Variants in MECOM observed in about 807,000 individuals in gnomAD.
MECOM encodes the protein histone-lysine N-methyltransferase MECOM.
A neutral mutation model predicts 116.3 loss-of-function variants in MECOM; 13 were observed. That is an observed-to-expected ratio of 0.11 (90% CI 0.07 to 0.18). The LOEUF (loss-of-function observed/expected upper bound fraction) is 0.18, where lower values mean the gene tolerates loss of function less well. Ranked by LOEUF, MECOM falls within the 10% of genes least tolerant of loss-of-function variation. The probability of loss-of-function intolerance (pLI) is 1.00; values close to 1 mark genes in which losing one functional copy is unlikely to be tolerated. For missense variants in MECOM, 1,299 were observed against 1,509.0 expected (o/e 0.86, Z 2.31); for synonymous variants, 528 against 535.2 (o/e 0.99, Z 0.19).
intron 1 of MECOM, among the ~76,000 whole-genome samples, chr3:169,454,596 A>G (rs1336413481): frequency 6.6e-6 from 1 of 152,094 alleles, no homozygotes; most frequent in African/African-American, 2.4e-5. Context: ...AATTATTTTT[A>G]TCTTACACTA....
intron 1 of MECOM, among the ~76,000 whole-genome samples, chr3:169,488,125 C>T (rs1467624238): frequency 7.9e-5 from 12 of 151,900 alleles, no homozygotes; most frequent in Non-Finnish European, 5.9e-5. Context: ...AATTTCAACA[C>T]GCCTCTCTCT....
At chr3:169,413,943 G>A (rs78506824) in intron 1 of MECOM, among the ~76,000 whole-genome samples, 3,562 of 152,304 alleles carry the variant, frequency 0.023, 132 homozygotes, top group African/African-American at 0.081. Context: ...TGGGGGAAGG[G>A]GCGACTGTAA....
chr3:169,594,724 C>T (rs1386288161), intron 1 of MECOM, among the ~76,000 whole-genome samples: 1 of 151,560 alleles, frequency 6.6e-6, no homozygotes, highest in Non-Finnish European at 1.5e-5. Context: ...AGCTGGCTTT[C>T]ATAACAAAGC....
In MECOM at chr3:169,609,884, G is replaced by A. The variant is rs372101038; in HGVS notation, c.37+53452C>T. On this transcript the variant is annotated intron_variant, in intron 1 of 16. Coordinates refer to ENST00000651503, the MANE Select transcript of MECOM (RefSeq NM_004991.4). ...GTGGTATTTCTACTTTATCTTGATA[G>A]CATTAGTTACAGGGAGAATGGACAA... Among the ~76,000 whole-genome samples the A allele has an allele frequency of 5.9e-5, 9 of 152,284 alleles. No individual in the cohort carries two copies. The East Asian group carries it at 9.6e-4, about 16-fold the overall frequency.
Position 169,230,472 on chromosome 3 carries a change from A to C in MECOM, c.376-86640T>G, listed in dbSNP as rs148876519. Among the ~76,000 whole-genome samples the C allele has an allele frequency of 3.2e-4, 48 of 152,308 alleles. No homozygotes were observed. The East Asian group carries it at 8.7e-3, about 27-fold the overall frequency. On this transcript the variant is annotated intron_variant, in intron 2 of 16. Coordinates refer to ENST00000651503, the MANE Select transcript of MECOM (RefSeq NM_004991.4). ...CTAATGGAAGTTTGAATGTATCTCC[A>C]AGATACCAGTTCATTATGACTTAAT...
intron 5 of MECOM, among the ~76,000 whole-genome samples, chr3:169,123,631 G>T (rs1409729768): frequency 6.6e-6 from 1 of 151,836 alleles, no homozygotes; most frequent in African/African-American, 2.4e-5. Context: ...TAACACACTG[G>T]GATACTACCC....
chr3:169,505,286 C>T (rs184416898), intron 1 of MECOM, among the ~76,000 whole-genome samples: 39 of 149,204 alleles, frequency 2.6e-4, no homozygotes, highest in Admixed American at 1.7e-3. Context: ...AGTCAAAATC[C>T]TTTCTTAATC....
chr3:169,146,278 T>C (rs1739887470), intron 2 of MECOM: 2 of 1,251,056 alleles, frequency 1.6e-6, no homozygotes, highest in East Asian at 3.7e-5. Context: ...CACACGATGT[T>C]GGACAGCAAA....
At chr3:169,467,003 G>A (rs777122506) in intron 1 of MECOM, 2 of 152,130 alleles carry the variant, frequency 1.3e-5, no homozygotes, top group African/African-American at 2.4e-5. Flanking sequence ...GATAGTAATC[G>A]TTAATTGAGT....
intron 2 of MECOM, among the ~76,000 whole-genome samples, chr3:169,346,958 C>T (rs2149799352): frequency 6.6e-6 from 1 of 152,026 alleles, no homozygotes; most frequent in East Asian, 1.9e-4. Context: ...TAAAAGCAAC[C>T]CAAATGTTTA....
intron 1 of MECOM, among the ~76,000 whole-genome samples, chr3:169,444,721 T>C (rs772204834): frequency 3.3e-5 from 5 of 151,974 alleles, no homozygotes; most frequent in African/African-American, 7.3e-5. Context: ...CAGGCAGAGA[T>C]TGGAACAGTT....
At chr3:169,497,551 T>C (rs966372634) in intron 1 of MECOM, among the ~76,000 whole-genome samples, 5 of 151,716 alleles carry the variant, frequency 3.3e-5, no homozygotes, top group African/African-American at 9.7e-5. Flanking sequence ...AGAGATGGAG[T>C]TTTACCATGT....
chr3:169,658,160 T>G (rs1040920270), intron 1 of MECOM, among the ~76,000 whole-genome samples: 2 of 152,176 alleles, frequency 1.3e-5, no homozygotes, highest in Admixed American at 6.5e-5. Context: ...AGGGAACTAA[T>G]GATTTATCCT....
intron 1 of MECOM, among the ~76,000 whole-genome samples, chr3:169,480,509 T>A (rs1751124598): frequency 6.6e-6 from 1 of 152,150 alleles, no homozygotes; most frequent in Admixed American, 6.5e-5. Flanking sequence ...TTTTTTCTCA[T>A]CTCTTTAGTC....
chr3:169,280,897 C>T (rs1022845788), intron 2 of MECOM, among the ~76,000 whole-genome samples: 4 of 152,116 alleles, frequency 2.6e-5, no homozygotes, highest in African/African-American at 4.8e-5. Flanking sequence ...GAAGTGAAAT[C>T]GAGAAGAGAA....
chr3:169,199,501 A>G (rs1003602236), intron 2 of MECOM, among the ~76,000 whole-genome samples: 1 of 151,834 alleles, frequency 6.6e-6, no homozygotes, highest in African/African-American at 2.4e-5. Flanking sequence ...ACAGTCTCAA[A>G]CTCCTGGCCT....
chr3:169,356,819 T>C (rs1207813178), intron 2 of MECOM, among the ~76,000 whole-genome samples: 1 of 151,914 alleles, frequency 6.6e-6, no homozygotes, highest in Non-Finnish European at 1.5e-5. Flanking sequence ...CTCTGCTTCT[T>C]TTGAGAATGG....
rs116472958 is a variant in MECOM, at chr3:169,622,420, G to A, written c.37+40916C>T. Among the ~76,000 whole-genome samples the A allele has an allele frequency of 6.9e-3, 1,057 of 152,176 alleles. 16 individuals carry two copies. Among genetic ancestry groups the A allele is most frequent in the African/African-American group, 0.025 (1,022 of 41,528 alleles). On this transcript the variant is annotated intron_variant, in intron 1 of 16. Transcript: ENST00000651503. Reference sequence around the variant, plus strand: ...CAACAGAATCAGTTCATTTTTAAACGAAAGGAGTTAGACTAACATCACTTC... The same window carrying A: ...CAACAGAATCAGTTCATTTTTAAACAAAAGGAGTTAGACTAACATCACTTC...
At chr3:169,254,704 A>G (rs75791942) in intron 2 of MECOM, among the ~76,000 whole-genome samples, 2,552 of 152,262 alleles carry the variant, frequency 0.017, 37 homozygotes, top group Non-Finnish European at 0.021. Flanking sequence ...CCCCTAAAAT[A>G]AGGTATAAAA....
Sources: gnomAD v4.1 joint callset for allele counts (sites outside exome capture counted in the v4.1 genomes callset) on GRCh38, gnomAD v4.1.1 for gene constraint, MANE v1.5 for transcripts, NCBI Gene and HGNC (gene_info 2026-07-23, HGNC 2026-07-21) for gene names.